The following SCAPER variants were observed in gnomAD, a reference collection of about 807,000 sequenced individuals.
SCAPER encodes S-phase cyclin A associated protein in the ER, also known as S phase cyclin A-associated protein in the endoplasmic reticulum.
SCAPER carries 98 observed loss-of-function variants against 182.2 expected under a neutral mutation model. The ratio of observed to expected loss-of-function variants is 0.54; its 90% confidence interval spans 0.46 to 0.64. The LOEUF is 0.64. Among genes scored for constraint, SCAPER ranks in the 30% least tolerant of loss-of-function variants. The pLI, the probability that SCAPER is intolerant of heterozygous loss-of-function variation, is 0.00. For missense variants in SCAPER, 1,432 were observed against 1,690.0 expected (o/e 0.85, Z 2.68); for synonymous variants, 605 against 564.6 (o/e 1.07, Z -1.01).
intron 23 of SCAPER, among the ~76,000 whole-genome samples, chr15:76,566,656 G>A (rs1484960751): frequency 6.6e-6 from 1 of 151,816 alleles, no homozygotes; most frequent in Admixed American, 6.6e-5. Context: ...TTAATACAAT[G>A]GTAAGACTAA....
intron 28 of SCAPER, chr15:76,380,282 A>C (rs1033617393): frequency 3.9e-5 from 6 of 152,166 alleles, no homozygotes; most frequent in African/African-American, 1.4e-4. Flanking sequence ...TTGTGCAGTC[A>C]GTTACCTCCT....
At chr15:76,355,358 G>A (rs1162666309) in intron 29 of SCAPER, among the ~76,000 whole-genome samples, 1 of 152,218 alleles carries the variant, frequency 6.6e-6, no homozygotes, top group Non-Finnish European at 1.5e-5. Flanking sequence ...CTTGCACTGT[G>A]TGACAATTCA....
chr15:76,634,419 A>G (rs2053419268), intron 21 of SCAPER, among the ~76,000 whole-genome samples: 1 of 152,154 alleles, frequency 6.6e-6, no homozygotes, highest in African/African-American at 2.4e-5. Flanking sequence ...GTTTCTATTC[A>G]GCCATCTTGG....
intron 28 of SCAPER, chr15:76,381,156 T>C: frequency 3.8e-6 from 1 of 259,816 alleles, no homozygotes; most frequent in Non-Finnish European, 7.0e-6. Flanking sequence ...ATAATAATAC[T>C]TTGCATGGTA....
intron 22 of SCAPER, among the ~76,000 whole-genome samples, chr15:76,611,448 C>CA (rs1393984150): frequency 4.6e-5 from 7 of 151,484 alleles, no homozygotes; most frequent in Admixed American, 3.9e-4. Flanking sequence ...GCCTACCACC[C>CA]AAAAAAAAGC....
chr15:76,376,443 C>A, intron 28 of SCAPER, 132 bp from the exon 29 acceptor site: 1 of 968,426 alleles, frequency 1.0e-6, no homozygotes. Flanking sequence ...CAGTACTATG[C>A]TTAATGCTTT....
chr15:76,381,160 C>G (rs954339884), intron 28 of SCAPER: 13 of 266,500 alleles, frequency 4.9e-5, no homozygotes, highest in African/African-American at 2.0e-4. Context: ...TAATACTTTG[C>G]ATGGTAGCTA....
At chr15:76,357,859 T>C (rs1210043382) in intron 29 of SCAPER, among the ~76,000 whole-genome samples, 1 of 152,164 alleles carries the variant, frequency 6.6e-6, no homozygotes, top group African/African-American at 2.4e-5. Context: ...AAATACCACA[T>C]GTTTTTGCCT....
chr15:76,781,164 C>A (rs1452601443), intron 8 of SCAPER, among the ~76,000 whole-genome samples: 1 of 152,144 alleles, frequency 6.6e-6, no homozygotes, highest in Non-Finnish European at 1.5e-5. Flanking sequence ...GAATGCCTAA[C>A]TAGAATGAAC....
intron 17 of SCAPER, among the ~76,000 whole-genome samples, chr15:76,718,940 C>A (rs954376298): frequency 6.6e-6 from 1 of 152,078 alleles, no homozygotes; most frequent in Non-Finnish European, 1.5e-5. Context: ...AACTCTTTTA[C>A]ACTGTTGTTG....
At chr15:76,734,145 TG>T (rs2061092277) in intron 15 of SCAPER, among the ~76,000 whole-genome samples, 1 of 152,218 alleles carries the variant, frequency 6.6e-6, no homozygotes, top group Non-Finnish European at 1.5e-5. Flanking sequence ...CAACATATAA[TG>T]AATGAGTGAC....
At chr15:76,770,882 G>T (rs777579087) in intron 10 of SCAPER, among the ~76,000 whole-genome samples, 24 of 151,932 alleles carry the variant, frequency 1.6e-4, no homozygotes, top group African/African-American at 5.8e-4. Context: ...CTTATTAAAA[G>T]AATCTAAACA....
intron 2 of SCAPER, among the ~76,000 whole-genome samples, chr15:76,882,959 C>T (rs745484139): frequency 1.3e-5 from 2 of 152,138 alleles, no homozygotes; most frequent in African/African-American, 2.4e-5. Flanking sequence ...CCACCGTGCC[C>T]GGCCCTCTCC....
chr15:76,609,540 C>T (rs1041498884), intron 22 of SCAPER, among the ~76,000 whole-genome samples: 1 of 152,150 alleles, frequency 6.6e-6, no homozygotes, highest in African/African-American at 2.4e-5. Context: ...ATCCATCTGT[C>T]ATTGCATGTT....
intron 5 of SCAPER, among the ~76,000 whole-genome samples, chr15:76,829,066 T>A (rs2068239541): frequency 6.6e-6 from 1 of 151,990 alleles, no homozygotes; most frequent in Non-Finnish European, 1.5e-5. Context: ...TAAATATCCA[T>A]CAACCAACAA....
intron 20 of SCAPER, among the ~76,000 whole-genome samples, chr15:76,669,433 T>C (rs2056858072): frequency 6.6e-6 from 1 of 151,874 alleles, no homozygotes; most frequent in South Asian, 2.1e-4. Flanking sequence ...AAACAGCGAG[T>C]GGCAGGGAGG....
At chr15:76,406,379 G>C (rs556655753) in intron 26 of SCAPER, among the ~76,000 whole-genome samples, 230 of 152,238 alleles carry the variant, frequency 1.5e-3, no homozygotes, top group Non-Finnish European at 2.3e-3. Flanking sequence ...TTAGGAGGCT[G>C]AGGCAGGAGA....
intron 5 of SCAPER, among the ~76,000 whole-genome samples, chr15:76,817,263 A>G (rs1349436058): frequency 6.6e-6 from 1 of 152,244 alleles, no homozygotes; most frequent in African/African-American, 2.4e-5. Context: ...GACATTTGCA[A>G]CAATATGAAT....
intron 30 of SCAPER, among the ~76,000 whole-genome samples, 154 bp from the exon 31 acceptor site, chr15:76,351,442 T>C (rs1235308514): frequency 3.3e-5 from 5 of 152,378 alleles, no homozygotes; most frequent in Middle Eastern, 6.8e-3. Flanking sequence ...TGTTACGTAG[T>C]GCAGGTTCTC....
Sources: gnomAD v4.1 joint callset for allele counts (sites outside exome capture counted in the v4.1 genomes callset) on GRCh38, gnomAD v4.1.1 for gene constraint, MANE v1.5 for transcripts, NCBI Gene and HGNC (gene_info 2026-07-23, HGNC 2026-07-21) for gene names.